Variants in FNDC1 observed in about 807,000 individuals in gnomAD.
FNDC1 encodes the protein fibronectin type III domain-containing protein 1.
A neutral mutation model predicts 168.0 loss-of-function variants in FNDC1; 96 were observed. The ratio of observed to expected loss-of-function variants is 0.57; its 90% CI spans 0.48 to 0.68. The LOEUF (loss-of-function observed/expected upper bound fraction) is 0.68. Ranked by LOEUF, FNDC1 falls within the 30% of genes least tolerant of loss-of-function variation. The pLI, the probability that FNDC1 is intolerant of heterozygous loss-of-function variation, is 0.00. For synonymous variants in FNDC1, 1,099 were observed against 1,025.9 expected (o/e 1.07, Z -1.36); for missense variants, 2,587 against 2,482.1 (o/e 1.04, Z -0.90).
intron 9 of FNDC1, among the ~76,000 whole-genome samples, chr6:159,227,261 C>T (rs567697580): frequency 1.3e-5 from 2 of 152,240 alleles, no homozygotes; most frequent in South Asian, 4.1e-4. Flanking sequence ...TTTAAAGAGC[C>T]ATGCTGAAGT....
intron 22 of FNDC1, among the ~76,000 whole-genome samples, chr6:159,269,555 C>CATCCATCCATCCATCCATCCATCA (rs1562316177): frequency 4.0e-4 from 60 of 149,390 alleles, no homozygotes; most frequent in African/African-American, 1.4e-3. Flanking sequence ...TCCATCCATC[C>CATCCATCCATCCATCCATCCATCA]ATCCATCCAT....
At chr6:159,236,726 T>C (rs1453846520) in intron 12 of FNDC1, among the ~76,000 whole-genome samples, 1 of 152,220 alleles carries the variant, frequency 6.6e-6, no homozygotes, top group Admixed American at 6.5e-5. Context: ...CTGTAAGTCA[T>C]CTCAAATCCT....
intron 21 of FNDC1, 123 bp from the exon 22 acceptor site, chr6:159,267,681 C>T (rs953318948): frequency 7.2e-6 from 7 of 976,284 alleles, no homozygotes; most frequent in East Asian, 2.6e-5. Flanking sequence ...ATGAAAAATA[C>T]AGCACACACA....
In FNDC1 at chr6:159,272,056, C is replaced by A. The variant is rs1777757928; in HGVS notation, c.*614C>A. On this transcript the variant is annotated 3_prime_UTR_variant, in exon 23 of 23. Transcript: ENST00000297267. ...GTATATATGCATATACATATCCACA[C>A]TTGTCTGCAAGAATATTGATTAAAA... is the stretch of plus-strand genomic sequence containing the variant. 6.6e-6 allele frequency: 1 copy of A among 152,326 alleles called. No individual in the cohort carries two copies. Among genetic ancestry groups the A allele is most frequent in the African/African-American group, 2.4e-5 (1 of 41,550 alleles). 9.4% of individuals were successfully genotyped at this position (152,326 alleles called of 1,614,324 possible). A position where few individuals can be genotyped will look rare whatever the true frequency, so the allele number is the denominator to read the frequency against.
intron 1 of FNDC1, among the ~76,000 whole-genome samples, chr6:159,181,860 C>T (rs966697890): frequency 2.6e-5 from 4 of 152,158 alleles, no homozygotes; most frequent in African/African-American, 9.7e-5. Context: ...GTCCATGGGC[C>T]GTGGATCTGA....
At chr6:159,261,109 G>A in intron 18 of FNDC1, 81 bp from the exon 19 acceptor site, 1 of 1,023,870 alleles carries the variant, frequency 9.8e-7, no homozygotes, top group African/African-American at 1.6e-5. Flanking sequence ...CGGTTCAGGT[G>A]TTCAGTAGTT....
At chr6:159,270,549 G>T (rs1351163519) in intron 22 of FNDC1, among the ~76,000 whole-genome samples, 1 of 152,178 alleles carries the variant, frequency 6.6e-6, no homozygotes, top group Admixed American at 6.5e-5. Context: ...TGGGTATTCA[G>T]CACACTCACT....
chr6:159,215,135 C>T lies in FNDC1; in HGVS notation c.651C>T (p.His217=), dbSNP rs148620875. 3.6e-4 allele frequency: 584 copies of T among 1,613,462 alleles called. No homozygotes were observed. The African/African-American group carries it at 4.7e-3, about 13-fold the overall frequency. ...CACTGACAAGAGATGAACGGACACA[C>T]GAAATTAAAAAGCTAGGTGAGTTTC... ...YVPLTRDERT[H]EIKKLASESV... Residue 217 remains histidine (H), a synonymous_variant, in exon 5 of 23, where the codon CAC becomes CAT. Coordinates refer to ENST00000297267, the MANE Select transcript of FNDC1 (RefSeq NM_032532.3).
intron 4 of FNDC1, among the ~76,000 whole-genome samples, chr6:159,209,452 C>G (rs568779775): frequency 1.1e-4 from 16 of 152,236 alleles, no homozygotes; most frequent in Admixed American, 2.0e-4. Context: ...TTTAGGGTAC[C>G]CCGCTTGGGG....
intron 10 of FNDC1, 66 bp from the exon 11 acceptor site, chr6:159,231,816 T>C: frequency 7.3e-7 from 1 of 1,367,336 alleles, no homozygotes; most frequent in Non-Finnish European, 9.9e-7. Flanking sequence ...TTAAATACTG[T>C]GTCTCACCTC....
At position 159,215,052 on chromosome 6, in the gene FNDC1, A is replaced by G. The variant is rs1782682882; in HGVS notation, c.568A>G (p.Arg190Gly). ...CCTGTCTGGAGCCAAGAGTCCACGC[A>G]GATCACGGGGTTTTCTCCTGGGCTA... ...PRLSGAKSPR[R>G]SRGFLLGYGE... is the part of the protein sequence containing the mutation. Residue 190 changes from arginine (R) to glycine (G), a missense_variant, in exon 5 of 23, where the codon AGA becomes GGA. Coordinates refer to ENST00000297267, the MANE Select transcript of FNDC1 (RefSeq NM_032532.3). 1 of 1,613,934 alleles carries G rather than the reference A, an allele frequency of 6.2e-7. No homozygotes were observed. The highest frequency in any genetic ancestry group is 8.5e-7 in the Non-Finnish European group (1 of 1,179,900).
In FNDC1 at chr6:159,233,510, C is replaced by A; in HGVS notation, c.2998C>A (p.Arg1000=). 1 of 1,602,758 alleles carries A rather than the reference C, an allele frequency of 6.2e-7. No individual in the cohort carries two copies. Among genetic ancestry groups the A allele is most frequent in the Non-Finnish European group, 8.5e-7 (1 of 1,177,836 alleles). Residue 1000 remains arginine (R), a synonymous_variant, in exon 11 of 23, where the codon CGG becomes AGG. Transcript: ENST00000297267. This position sits in a 1 kb window ranked among gnomAD's most constrained non-coding sequence, Gnocchi z 4.6. Reference sequence around the variant, plus strand: ...TGTTCCCAGAAGGATGACACCCGGCCGGGCCCCACAACAGCAGCCCCCTCC... The same window carrying A: ...TGTTCCCAGAAGGATGACACCCGGCAGGGCCCCACAACAGCAGCCCCCTCC... The part of the protein sequence containing the change: ...PSVPRRMTPG[R]APQQQPPPPV...
At chr6:159,197,387 C>T in intron 1 of FNDC1, 44 bp from the exon 2 acceptor site, 1 of 1,532,486 alleles carries the variant, frequency 6.5e-7, no homozygotes, top group Admixed American at 2.1e-5. Flanking sequence ...TTCGTTTTCC[C>T]AATCTGTTAT....
At chr6:159,236,599 T>C (rs1783265904) in intron 12 of FNDC1, among the ~76,000 whole-genome samples, 1 of 152,252 alleles carries the variant, frequency 6.6e-6, no homozygotes, top group Admixed American at 6.5e-5. Context: ...GGCCCAACCA[T>C]AGCAATTATA....
chr6:159,252,630 C>T (rs1476709756), intron 17 of FNDC1, among the ~76,000 whole-genome samples: 1 of 152,042 alleles, frequency 6.6e-6, no homozygotes, highest in African/African-American at 2.4e-5. Context: ...CACGGACCGC[C>T]GTGAAGTCTG....
chr6:159,230,026 T>C, intron 10 of FNDC1, 23 bp downstream of exon 10: 1 of 1,590,754 alleles, frequency 6.3e-7, no homozygotes, highest in Non-Finnish European at 8.6e-7. Context: ...TGTCTGTGGC[T>C]GTCTTCTCTC....
intron 4 of FNDC1, among the ~76,000 whole-genome samples, chr6:159,201,477 G>A (rs781627284): frequency 1.3e-5 from 2 of 152,196 alleles, no homozygotes; most frequent in African/African-American, 2.4e-5. Context: ...ATGACTATGA[G>A]GTGTTGCAAC....
Position 159,234,210 on chromosome 6 carries a change from G to T in FNDC1, c.3698G>T (p.Arg1233Leu), listed in dbSNP as rs1413127928. 5.0e-6 allele frequency: 8 copies of T among 1,595,816 alleles called. No homozygotes were observed. The East Asian group carries it at 9.1e-5, about 18-fold the overall frequency. ...GAGCCTGCCATCGCGCTTGCCCCTCGCGGAGGGAGCCTGGCTCCTGTGAAG... is the reference window on the plus strand; with the variant it reads ...GAGCCTGCCATCGCGCTTGCCCCTCTCGGAGGGAGCCTGGCTCCTGTGAAG... ...EREPAIALAP[R>L]GGSLAPVKRP... Residue 1233 changes from arginine (R) to leucine (L), a missense_variant, in exon 11 of 23, where the codon CGC (arginine) becomes CTC (leucine). Transcript: ENST00000297267.
chr6:159,234,450 G>A lies in FNDC1; in HGVS notation c.3938G>A (p.Arg1313Gln), dbSNP rs370574813. ...MHARFRNPLS[R>Q]QPARPSYRQG... ...GCCAGATTCCGTAACCCTCTCTCCCGACAGCCTGCCAGACCCTCTTACAGA... is the reference window on the plus strand; with the variant it reads ...GCCAGATTCCGTAACCCTCTCTCCCAACAGCCTGCCAGACCCTCTTACAGA... Residue 1313 changes from arginine (R) to glutamine (Q), a missense_variant, in exon 11 of 23, where the codon CGA becomes CAA. Physicochemically the swap from Arg to Gln is conservative, Grantham distance 43. Coordinates refer to ENST00000297267, the MANE Select transcript of FNDC1 (RefSeq NM_032532.3). 6.2e-7 allele frequency: 1 copy of A among 1,613,306 alleles called. No homozygotes were observed. Among genetic ancestry groups the A allele is most frequent in the Non-Finnish European group, 8.5e-7 (1 of 1,179,872 alleles).
Sources: gnomAD v4.1 joint callset for allele counts (sites outside exome capture counted in the v4.1 genomes callset) on GRCh38, gnomAD v4.1.1 for gene constraint, Gnocchi (gnomAD v3.1) non-coding constraint, MANE v1.5 for transcripts, NCBI Gene and HGNC (gene_info 2026-07-23, HGNC 2026-07-21) for gene names.